Variants in PPFIA1 observed in about 807,000 individuals in gnomAD.
PPFIA1 encodes the protein PPFI scaffold protein A1.
PPFIA1 carries 25 observed loss-of-function variants against 149.9 expected under a neutral mutation model. The ratio of observed to expected loss-of-function variants is 0.17; its 90% CI spans 0.12 to 0.23. The LOEUF is 0.23. PPFIA1 is among the 10% of genes least tolerant of loss of function. The pLI is 1.00. For missense variants in PPFIA1, 1,362 were observed against 1,506.5 expected, an observed-to-expected ratio of 0.90 and a Z score of 1.59; for synonymous variants, 549 against 552.8, an observed-to-expected ratio of 0.99 and a Z score of 0.10.
At chr11:70,311,373 C>T (rs1467380288) in intron 2 of PPFIA1, among the ~76,000 whole-genome samples, 1 of 151,966 alleles carries the variant, frequency 6.6e-6, no homozygotes, top group Non-Finnish European at 1.5e-5. Flanking sequence ...TGTCCATAGA[C>T]TGACAGTGAT....
chr11:70,306,015 T>G (rs1014462096), intron 2 of PPFIA1, among the ~76,000 whole-genome samples: 10 of 152,218 alleles, frequency 6.6e-5, no homozygotes, highest in Non-Finnish European at 1.0e-4. Flanking sequence ...AATGGATTAT[T>G]TTTCAAGTAA....
chr11:70,313,693 T>C (rs2053426877), intron 2 of PPFIA1, among the ~76,000 whole-genome samples: 1 of 151,794 alleles, frequency 6.6e-6, no homozygotes, highest in South Asian at 2.1e-4. Context: ...TTATGAGGAG[T>C]TGGGAGCTTG....
intron 19 of PPFIA1, among the ~76,000 whole-genome samples, chr11:70,357,350 T>G (rs1335878020): frequency 6.6e-6 from 1 of 152,212 alleles, no homozygotes; most frequent in Non-Finnish European, 1.5e-5. Flanking sequence ...GAGGCCCCTT[T>G]GCCTTTAGCC....
chr11:70,320,980 G>A (rs148991589), intron 2 of PPFIA1, among the ~76,000 whole-genome samples: 6 of 152,218 alleles, frequency 3.9e-5, no homozygotes, highest in Admixed American at 2.6e-4. Flanking sequence ...AGGCTTGGAG[G>A]GCAACAACCA....
chr11:70,277,060 A>ATTTTTTTTTTTT (rs1555076271), intron 2 of PPFIA1, among the ~76,000 whole-genome samples: 8 of 66,306 alleles, frequency 1.2e-4, no homozygotes, highest in African/African-American at 9.4e-4. Context: ...ATATATATAT[A>ATTTTTTTTTTTT]TTTTTTTTTT....
chr11:70,281,255 C>CA (rs1159006720), intron 2 of PPFIA1, among the ~76,000 whole-genome samples: 11 of 152,108 alleles, frequency 7.2e-5, no homozygotes, highest in African/African-American at 2.7e-4. Flanking sequence ...TTCCCTCTGT[C>CA]ATCTGGCACA....
At chr11:70,305,683 C>T (rs1475352413) in intron 2 of PPFIA1, among the ~76,000 whole-genome samples, 1 of 152,078 alleles carries the variant, frequency 6.6e-6, no homozygotes, top group African/African-American at 2.4e-5. Context: ...TTTGTTTGTT[C>T]TAATAAAAAT....
intron 2 of PPFIA1, among the ~76,000 whole-genome samples, chr11:70,314,349 G>A (rs76384774): frequency 0.011 from 1,603 of 152,256 alleles, 18 homozygotes; most frequent in East Asian, 0.035. Flanking sequence ...ACTGAAGACC[G>A]AGACAACCCA....
intron 2 of PPFIA1, among the ~76,000 whole-genome samples, chr11:70,286,807 A>T: frequency 7.8e-6 from 1 of 128,794 alleles, no homozygotes; most frequent in Admixed American, 9.2e-5. Context: ...ACCCAGGTGG[A>T]GTGCAGTGGT....
chr11:70,354,543 G>C, intron 17 of PPFIA1, 91 bp downstream of exon 17: 2 of 1,369,424 alleles, frequency 1.5e-6, no homozygotes, highest in Non-Finnish European at 1.9e-6. Flanking sequence ...GAGTAAAACA[G>C]TGATTTTGTA....
intron 2 of PPFIA1, among the ~76,000 whole-genome samples, chr11:70,302,401 G>T (rs2052546304): frequency 6.6e-6 from 1 of 152,214 alleles, no homozygotes; most frequent in African/African-American, 2.4e-5. Flanking sequence ...TCCAGGGCTG[G>T]AGTGCATTCT....
In PPFIA1 at chr11:70,333,527, G is replaced by A. The variant is rs778982040; in HGVS notation, c.1270G>A (p.Glu424Lys). Residue 424 changes from glutamate to lysine, a missense_variant, in exon 10 of 28, where the codon GAG becomes AAG. Physicochemically the swap from Glu to Lys is moderately conservative, Grantham distance 56. Coordinates refer to ENST00000253925, the MANE Select transcript of PPFIA1 (RefSeq NM_003626.5). ...GTTACGACAGATGGAAGCACAGTTG[G>A]AGGAGAAGAATCAAGAACTGCAGCG... Reference protein sequence around the residue: ...ERLRQMEAQLEEKNQELQRAR... With the variant: ...ERLRQMEAQLKEKNQELQRAR... 4.7e-5 allele frequency: 76 copies of A among 1,612,736 alleles called. No individual in the cohort carries two copies. The highest frequency in any genetic ancestry group is 6.2e-5 in the Non-Finnish European group (73 of 1,179,534).
chr11:70,312,770 C>A (rs7945389), intron 2 of PPFIA1, among the ~76,000 whole-genome samples: 33,296 of 152,160 alleles, frequency 0.22, 5,561 homozygotes, highest in African/African-American at 0.46. Flanking sequence ...ATCATCTGGG[C>A]TGCGGACATT....
At chr11:70,344,137 C>A (rs1170398068) in intron 15 of PPFIA1, among the ~76,000 whole-genome samples, 2 of 152,234 alleles carry the variant, frequency 1.3e-5, no homozygotes, top group African/African-American at 4.8e-5. Flanking sequence ...CATTGTGGGA[C>A]CTGAGAGGTC....
Position 70,343,904 on chromosome 11 carries a change from C to T in PPFIA1, c.1931+12C>T, listed in dbSNP as rs377268573. ...AACAAAGAGATCAGGTGTGTGCAAC[C>T]GTGCATGACACTCACCACACGCATG... On this transcript the variant is annotated intron_variant, in intron 15 of 27. Coordinates refer to ENST00000253925, the MANE Select transcript of PPFIA1 (RefSeq NM_003626.5). 1.2e-5 allele frequency: 19 copies of T among 1,606,280 alleles called. No homozygotes were observed. The highest frequency in any genetic ancestry group is 4.4e-5 in the South Asian group (4 of 90,060).
In PPFIA1 at chr11:70,279,904, GA is replaced by G. The variant is rs1162179722; in HGVS notation, c.264+7469del. 3.6e-3 allele frequency among the ~76,000 whole-genome samples: 354 copies of G among 98,620 alleles called. 1 individual carries two copies. Among genetic ancestry groups the G allele is most frequent in the African/African-American group, 0.026 (342 of 13,304 alleles). The allele number at this position is 98,620 out of a possible 152,430, so 64.7% of individuals were successfully genotyped here. On this transcript the variant is annotated intron_variant, in intron 2 of 27. Coordinates refer to ENST00000253925, the MANE Select transcript of PPFIA1 (RefSeq NM_003626.5). Reference sequence around the variant, plus strand: ...GTGTCCGGCCTGTGTGTGTGTGGGGGATGTGTGTGTGTGTATATTTTTGGGA... The same window carrying G: ...GTGTCCGGCCTGTGTGTGTGTGGGGGTGTGTGTGTGTGTATATTTTTGGGA...
intron 2 of PPFIA1, among the ~76,000 whole-genome samples, chr11:70,294,550 T>C (rs1403311372): frequency 1.3e-5 from 2 of 149,682 alleles, no homozygotes; most frequent in Non-Finnish European, 3.0e-5. Flanking sequence ...TTCTTTCTTT[T>C]TTTTTTTTTA....
rs751381400 is a variant in PPFIA1, at chr11:70,326,332, A to G, written c.677A>G (p.Glu226Gly). The G allele has an allele frequency of 6.2e-6, 10 of 1,608,040 alleles. No homozygotes were observed. The highest frequency in any genetic ancestry group is 1.3e-5 in the African/African-American group (1 of 74,630). Residue 226 changes from glutamate to glycine, a missense_variant, in exon 6 of 28, where the codon GAA becomes GGA. Transcript: ENST00000253925. ...GATGGAGTGCTGGACATAAACCATG[A>G]ACAAGAAAATACACCAAGCACGAGT... ...LTDGVLDINH[E>G]QENTPSTSGK...
At chr11:70,331,921 A>G in intron 8 of PPFIA1, 39 bp from the exon 9 acceptor site, 1 of 1,582,656 alleles carries the variant, frequency 6.3e-7, no homozygotes, top group East Asian at 2.3e-5. Context: ...ATCAGCTAGA[A>G]GATTTGTTGC....
Sources: allele counts gnomAD v4.1 joint callset (sites outside exome capture counted in the v4.1 genomes callset), GRCh38; gene constraint gnomAD v4.1.1; transcripts MANE v1.5; gene names NCBI Gene and HGNC (gene_info 2026-07-23, HGNC 2026-07-21).